STPG4: variants seen among roughly 807,000 people sequenced by gnomAD.
STPG4 encodes protein STPG4.
A neutral mutation model predicts 31.5 loss-of-function variants in STPG4; 41 were observed. That is an observed-to-expected ratio of 1.30 (90% confidence interval 1.01 to 1.69). The LOEUF (loss-of-function observed/expected upper bound fraction) is 1.69. Among genes scored for constraint, STPG4 ranks in the 40% most tolerant of loss-of-function variants. The probability of loss-of-function intolerance (pLI) is 0.00; values close to 1 mark genes in which losing one functional copy is unlikely to be tolerated. For synonymous variants in STPG4, 141 were observed against 103.0 expected (o/e 1.37, Z -2.24); for missense variants, 375 against 293.4 (o/e 1.28, Z -2.03).
intron 5 of STPG4, among the ~76,000 whole-genome samples, chr2:47,106,442 G>T (rs2103747421): frequency 6.6e-6 from 1 of 152,056 alleles, no homozygotes; most frequent in South Asian, 2.1e-4. Context: ...GGAATAGCTG[G>T]TTTATCAACT....
rs375697890 is a variant in STPG4, at chr2:47,097,463, G to C, written c.520-7089C>G. ...TGTGGGGCCTTTGGGAGGTGATTAT[G>C]TCATTAGGGCTTCTTCCTCAGGGAT... is the stretch of plus-strand genomic sequence containing the variant. On this transcript the variant is annotated intron_variant, in intron 5 of 6. Transcript: ENST00000445927. Among the ~76,000 whole-genome samples, 262 of 152,218 alleles carry C rather than the reference G, an allele frequency of 1.7e-3. 2 individuals carry two copies. Among genetic ancestry groups the C allele is most frequent in the African/African-American group, 6.1e-3 (255 of 41,550 alleles).
At chr2:47,121,195 C>T (rs932985135) in intron 5 of STPG4, 2 of 154,206 alleles carry the variant, frequency 1.3e-5, no homozygotes, top group African/African-American at 2.4e-5. Context: ...ACTTCAGGTC[C>T]GTCTCCCCTC....
intron 5 of STPG4, among the ~76,000 whole-genome samples, chr2:47,110,061 T>C (rs1686004197): frequency 6.7e-6 from 1 of 149,790 alleles, no homozygotes; most frequent in African/African-American, 2.6e-5. Context: ...CTTTTTTTTG[T>C]TCCCACTATC....
intron 5 of STPG4, among the ~76,000 whole-genome samples, chr2:47,114,716 GT>G (rs1377201335): frequency 6.6e-6 from 1 of 152,056 alleles, no homozygotes; most frequent in Non-Finnish European, 1.5e-5. Flanking sequence ...TCATGTCTTT[GT>G]GAGTCAGTTT....
At chr2:47,133,216 G>A (rs1686523524) in intron 3 of STPG4, among the ~76,000 whole-genome samples, 1 of 151,442 alleles carries the variant, frequency 6.6e-6, no homozygotes. Flanking sequence ...CACCCAGGCT[G>A]GAATGCAGTG....
chr2:47,126,564 C>A (rs1010016398), intron 5 of STPG4, among the ~76,000 whole-genome samples: 2 of 152,056 alleles, frequency 1.3e-5, no homozygotes, highest in Non-Finnish European at 2.9e-5. Flanking sequence ...TGGACTCAAG[C>A]AATCCTCCTG....
In STPG4 at chr2:47,115,055, A is replaced by T. The variant is rs370660476; in HGVS notation, c.519+14886T>A. Among the ~76,000 whole-genome samples, 30 of 152,272 alleles carry T rather than the reference A, an allele frequency of 2.0e-4. 1 individual carries two copies. The highest frequency in any genetic ancestry group is 1.7e-3 in the East Asian group (9 of 5,180). Reference sequence around the variant, plus strand: ...AGTGCTGCGATTACAAGCATAAGCCACCATGCCTGGCCTATTTCTTTTCTT... The same window carrying T: ...AGTGCTGCGATTACAAGCATAAGCCTCCATGCCTGGCCTATTTCTTTTCTT... On this transcript the variant is annotated intron_variant, in intron 5 of 6. Coordinates refer to ENST00000445927, the MANE Select transcript of STPG4 (RefSeq NM_001163561.2).
At chr2:47,096,762 G>A (rs557902020) in intron 5 of STPG4, among the ~76,000 whole-genome samples, 44 of 152,322 alleles carry the variant, frequency 2.9e-4, no homozygotes, top group African/African-American at 8.9e-4. Context: ...AAGACATTTC[G>A]TCTAGGATCA....
At position 47,123,807 on chromosome 2, in the gene STPG4, A is replaced by C. The variant is rs796126631; in HGVS notation, c.519+6134T>G. The stretch of plus-strand genomic sequence containing the variant: ...TTCATAGTATATTTTATTTTGAAAA[A>C]TGTTTATGGCCACATAGTAGGTATA... On this transcript the variant is annotated intron_variant, in intron 5 of 6. Coordinates refer to ENST00000445927, the MANE Select transcript of STPG4 (RefSeq NM_001163561.2). Among the ~76,000 whole-genome samples the C allele has an allele frequency of 1.1e-4, 16 of 152,250 alleles. 1 individual carries two copies. Among genetic ancestry groups the C allele is most frequent in the African/African-American group, 3.9e-4 (16 of 41,546 alleles).
chr2:47,087,780 GC>G (rs1187672458), intron 6 of STPG4, among the ~76,000 whole-genome samples: 1 of 151,892 alleles, frequency 6.6e-6, no homozygotes, highest in Non-Finnish European at 1.5e-5. Flanking sequence ...ACAGAGTCTC[GC>G]CCTGTTGCTA....
chr2:47,094,533 A>C (rs937803151), intron 5 of STPG4, among the ~76,000 whole-genome samples: 1 of 152,186 alleles, frequency 6.6e-6, no homozygotes, highest in African/African-American at 2.4e-5. Flanking sequence ...AGATGAATAA[A>C]ATACTCTCTT....
chr2:47,121,821 C>T (rs993412934), intron 5 of STPG4, among the ~76,000 whole-genome samples: 2 of 148,506 alleles, frequency 1.3e-5, no homozygotes, highest in African/African-American at 5.1e-5. Flanking sequence ...GTAATCTTTG[C>T]TTCTATATTT....
chr2:47,114,937 T>G (rs1236127247), intron 5 of STPG4, among the ~76,000 whole-genome samples: 1 of 152,204 alleles, frequency 6.6e-6, no homozygotes, highest in East Asian at 1.9e-4. Context: ...CCAGCTAATT[T>G]TGGCATTTTT....
At chr2:47,093,916 A>C (rs1027315245) in intron 5 of STPG4, among the ~76,000 whole-genome samples, 2 of 152,248 alleles carry the variant, frequency 1.3e-5, no homozygotes, top group African/African-American at 4.8e-5. Flanking sequence ...GCCGGGCAAC[A>C]GCTCTAGCAG....
chr2:47,090,187 T>C, intron 6 of STPG4, 83 bp downstream of exon 6: 1 of 911,364 alleles, frequency 1.1e-6, no homozygotes, highest in African/African-American at 1.7e-5. Context: ...ACCCCGCACC[T>C]CCTACACACA....
At chr2:47,120,852 C>G (rs1225940320) in intron 5 of STPG4, among the ~76,000 whole-genome samples, 1 of 152,056 alleles carries the variant, frequency 6.6e-6, no homozygotes, top group Non-Finnish European at 1.5e-5. Context: ...GGTGGGGCAT[C>G]CAGGTCCCTA....
intron 5 of STPG4, among the ~76,000 whole-genome samples, chr2:47,124,449 TCTA>T (rs1686327974): frequency 6.6e-6 from 1 of 152,192 alleles, no homozygotes; most frequent in Admixed American, 6.5e-5. Flanking sequence ...TATCCATCCT[TCTA>T]CTCTCTATCT....
chr2:47,107,739 C>A (rs560662710), intron 5 of STPG4, among the ~76,000 whole-genome samples: 1 of 152,176 alleles, frequency 6.6e-6, no homozygotes, highest in African/African-American at 2.4e-5. Context: ...GCCAGCTGGG[C>A]TCCTGAGTCT....
At chr2:47,127,573 C>T (rs1219891955) in intron 5 of STPG4, among the ~76,000 whole-genome samples, 1 of 152,150 alleles carries the variant, frequency 6.6e-6, no homozygotes, top group Non-Finnish European at 1.5e-5. Context: ...CCCATCCAAG[C>T]TCACAAATTC....
Sources: allele counts gnomAD v4.1 joint callset (sites outside exome capture counted in the v4.1 genomes callset), GRCh38; gene constraint gnomAD v4.1.1; transcripts MANE v1.5; gene names NCBI Gene and HGNC (gene_info 2026-07-23, HGNC 2026-07-21).